ZC3H3: variants seen among roughly 807,000 people sequenced by gnomAD.
ZC3H3 encodes zinc finger CCCH domain-containing protein 3.
ZC3H3 carries 36 observed loss-of-function variants against 77.3 expected under a neutral mutation model. The observed-to-expected ratio is 0.47, with a 90% CI of 0.36 to 0.61. The LOEUF (loss-of-function observed/expected upper bound fraction) is 0.61. ZC3H3 is among the 20% of genes least tolerant of loss of function. The pLI, the probability that ZC3H3 is intolerant of heterozygous loss-of-function variation, is 0.00. For missense variants in ZC3H3, 1,331 were observed against 1,312.2 expected (o/e 1.01, Z -0.22); for synonymous variants, 626 against 555.2 (o/e 1.13, Z -1.79).
chr8:143,437,904 G>T lies in ZC3H3; in HGVS notation c.*152C>A. The T allele has an allele frequency of 9.0e-7, 1 of 1,112,266 alleles. No individual in the cohort carries two copies. The highest frequency in any genetic ancestry group is 1.3e-6 in the Non-Finnish European group (1 of 761,000). 68.9% of individuals were successfully genotyped at this position (1,112,266 alleles called of 1,614,324 possible). A position where few individuals can be genotyped will look rare whatever the true frequency, so the allele number is the denominator to read the frequency against. ...CCTGCGCACACGCTGGTCATGGAAG[G>T]TTGAGGGCCAGGCAGGCAGAGCAGT... On this transcript the variant is annotated 3_prime_UTR_variant, in exon 12 of 12. Coordinates refer to ENST00000262577, the MANE Select transcript of ZC3H3 (RefSeq NM_015117.3).
intron 5 of ZC3H3, among the ~76,000 whole-genome samples, chr8:143,469,488 T>C (rs1820504392): frequency 6.6e-6 from 1 of 152,200 alleles, no homozygotes; most frequent in Admixed American, 6.5e-5. Context: ...GGCTAGTGTC[T>C]GTTACTCTAA....
Position 143,498,390 on chromosome 8 carries a change from C to G in ZC3H3, c.1715+9356G>C, listed in dbSNP as rs1821414077. On this transcript the variant is annotated intron_variant, in intron 4 of 11. Coordinates refer to ENST00000262577, the MANE Select transcript of ZC3H3 (RefSeq NM_015117.3). The stretch of plus-strand genomic sequence containing the variant: ...ATCCCGGTACTTAGGGTCACTTGCA[C>G]CCAGACCCCCTGACCTGAGTCCACA... Among the ~76,000 whole-genome samples the G allele has an allele frequency of 1.3e-5, 2 of 152,182 alleles. 1 individual carries two copies. Among genetic ancestry groups the G allele is most frequent in the South Asian group, 4.1e-4 (2 of 4,832 alleles).
At chr8:143,439,920 A>C (rs62521894) in intron 11 of ZC3H3, 121 bp downstream of exon 11, 45 of 266,886 alleles carry the variant, frequency 1.7e-4, no homozygotes, top group Middle Eastern at 2.7e-3. Flanking sequence ...GAGCCAGGCC[A>C]TGCTGCCTAC....
chr8:143,532,011 T>C (rs1291838211), intron 3 of ZC3H3, among the ~76,000 whole-genome samples: 1 of 152,264 alleles, frequency 6.6e-6, no homozygotes, highest in East Asian at 1.9e-4. Context: ...ACGCGGCAAT[T>C]ACGCTGCAAT....
intron 3 of ZC3H3, among the ~76,000 whole-genome samples, chr8:143,535,582 C>T (rs1373417064): frequency 6.6e-6 from 1 of 152,204 alleles, no homozygotes; most frequent in African/African-American, 2.4e-5. Flanking sequence ...CACCACATAC[C>T]CCCAACCACG....
At chr8:143,455,878 C>G (rs1415250240) in intron 9 of ZC3H3, among the ~76,000 whole-genome samples, 3 of 142,100 alleles carry the variant, frequency 2.1e-5, no homozygotes, top group Non-Finnish European at 4.5e-5. Flanking sequence ...GAAGCTGAGG[C>G]AGAAGAATTG....
At chr8:143,501,288 C>A (rs1821517925) in intron 4 of ZC3H3, among the ~76,000 whole-genome samples, 1 of 152,144 alleles carries the variant, frequency 6.6e-6, no homozygotes, top group Non-Finnish European at 1.5e-5. Context: ...GCGGCCTCAA[C>A]CTCCTGGGTT....
rs1821257140 is a variant in ZC3H3, at chr8:143,493,288, T to C, written c.1715+14458A>G. On this transcript the variant is annotated intron_variant, in intron 4 of 11. Transcript: ENST00000262577. This position sits in a 1 kb window ranked among gnomAD's most constrained non-coding sequence, Gnocchi z 4.8. ...TGCCAGCAAGGGCTGGGGTCTAAGA[T>C]CTCCAGGAAAAAGTCCCTCTCCCTT... Among the ~76,000 whole-genome samples, 1 of 152,182 alleles carries C rather than the reference T, an allele frequency of 6.6e-6. No homozygotes were observed. The highest frequency in any genetic ancestry group is 1.5e-5 in the Non-Finnish European group (1 of 68,024).
chr8:143,479,246 G>C (rs1359590228), intron 4 of ZC3H3, among the ~76,000 whole-genome samples: 1 of 152,246 alleles, frequency 6.6e-6, no homozygotes, highest in Non-Finnish European at 1.5e-5. Context: ...CAGCAGGAGG[G>C]TGCTGGGAGG....
chr8:143,499,844 G>C (rs955300964), intron 4 of ZC3H3, among the ~76,000 whole-genome samples: 2 of 152,164 alleles, frequency 1.3e-5, no homozygotes, highest in Admixed American at 1.3e-4. Context: ...AGGTAGCAGG[G>C]AGGCAGTAAA....
chr8:143,509,783 T>A, intron 3 of ZC3H3, among the ~76,000 whole-genome samples: 1 of 152,048 alleles, frequency 6.6e-6, no homozygotes, highest in Non-Finnish European at 1.5e-5. Context: ...GGGTTCATGT[T>A]CCCCTCCCCA....
In ZC3H3 at chr8:143,495,498, C is replaced by A. The variant is rs774786030; in HGVS notation, c.1715+12248G>T. 7.2e-4 allele frequency among the ~76,000 whole-genome samples: 109 copies of A among 152,206 alleles called. 2 individuals carry two copies. Among genetic ancestry groups the A allele is most frequent in the Admixed American group, 9.8e-4 (15 of 15,284 alleles). On this transcript the variant is annotated intron_variant, in intron 4 of 11. Coordinates refer to ENST00000262577, the MANE Select transcript of ZC3H3 (RefSeq NM_015117.3). ...TGGGGCTGCCTCTGGGGATGGAGGC[C>A]TCTACCGGGAAGAGGACAGAGAAGG...
chr8:143,467,640 C>A (rs1349079231), intron 8 of ZC3H3, among the ~76,000 whole-genome samples: 1 of 152,226 alleles, frequency 6.6e-6, no homozygotes, highest in African/African-American at 2.4e-5. Flanking sequence ...CACATGTCCC[C>A]CCCAGCCCCA....
chr8:143,479,821 G>C (rs454115), intron 4 of ZC3H3, among the ~76,000 whole-genome samples: 4,723 of 152,308 alleles, frequency 0.031, 224 homozygotes, highest in African/African-American at 0.11. Flanking sequence ...AGGCCAGGAG[G>C]GGGAGATAAC....
intron 2 of ZC3H3, 64 bp from the exon 3 acceptor site, chr8:143,536,517 T>A (rs1359827812): frequency 7.0e-7 from 1 of 1,426,372 alleles, no homozygotes; most frequent in East Asian, 2.6e-5. Context: ...CCACCCTTCC[T>A]CACCAGGACC....
At chr8:143,491,002 G>C (rs1402658142) in intron 4 of ZC3H3, among the ~76,000 whole-genome samples, 1 of 152,258 alleles carries the variant, frequency 6.6e-6, no homozygotes, top group Non-Finnish European at 1.5e-5. Context: ...GCGGCACCCA[G>C]GTAGCGCCGG....
Position 143,472,685 on chromosome 8 carries a change from C to T in ZC3H3, c.1903+2713G>A, listed in dbSNP as rs190342752. 2.9e-3 allele frequency among the ~76,000 whole-genome samples: 443 copies of T among 152,342 alleles called. 4 individuals are homozygous for T. The highest frequency in any genetic ancestry group is 2.0e-3 in the Non-Finnish European group (135 of 68,008). On this transcript the variant is annotated intron_variant, in intron 5 of 11. Transcript: ENST00000262577. ...GTGCACCTCCCCACACAGGCCCACC[C>T]AGCCCAACAAACGTGGGCCACAGGA...
intron 9 of ZC3H3, among the ~76,000 whole-genome samples, chr8:143,446,934 C>T (rs1231938508): frequency 5.9e-5 from 9 of 152,258 alleles, no homozygotes. Flanking sequence ...GGTGAATCTC[C>T]CAGGCACCAG....
chr8:143,500,030 G>A (rs1266993683), intron 4 of ZC3H3, among the ~76,000 whole-genome samples: 2 of 151,386 alleles, frequency 1.3e-5, no homozygotes, highest in African/African-American at 2.4e-5. Flanking sequence ...CCACCCCCCA[G>A]CCCCTATCCT....
Sources: gnomAD v4.1 joint callset for allele counts (sites outside exome capture counted in the v4.1 genomes callset) on GRCh38, gnomAD v4.1.1 for gene constraint, Gnocchi (gnomAD v3.1) non-coding constraint, MANE v1.5 for transcripts, NCBI Gene and HGNC (gene_info 2026-07-23, HGNC 2026-07-21) for gene names.